C5: variants seen among roughly 807,000 people sequenced by gnomAD.
C5 encodes the protein complement C5.
C5 carries 140 observed loss-of-function variants against 218.8 expected under a neutral mutation model. That is an observed-to-expected ratio of 0.64 (90% CI 0.56 to 0.74). The LOEUF is 0.74. Ranked by LOEUF, C5 falls within the 30% of genes least tolerant of loss-of-function variation. The probability of loss-of-function intolerance (pLI) is 0.00; values close to 1 mark genes in which losing one functional copy is unlikely to be tolerated. For missense variants in C5, 1,700 were observed against 1,969.6 expected (o/e 0.86, Z 2.59); for synonymous variants, 614 against 682.3 (o/e 0.90, Z 1.56).
At position 120,962,929 on chromosome 9, in the gene C5, T is replaced by G. The variant is rs1337920021; in HGVS notation, c.4362A>C (p.Gln1454His). The change falls in exon 35 of 41, where the codon CAA (glutamine) becomes CAC (histidine). Residue 1454 changes from glutamine to histidine, a missense_variant. By Grantham distance (24) the Gln-to-His change is conservative. Transcript: ENST00000223642. ...EGVDQLFTDY[Q>H]IKDGHVILQL... ...GCAGAATAACATGTCCATCTTTGAT[T>G]TGGTAATCAGTGAATAGTTGATCCA... 6.2e-7 allele frequency: 1 copy of G among 1,613,996 alleles called. No homozygotes were observed. Among genetic ancestry groups the G allele is most frequent in the African/African-American group, 1.3e-5 (1 of 74,924 alleles).
intron 21 of C5, 63 bp downstream of exon 21, chr9:120,997,484 C>G (rs541435443): frequency 4.8e-5 from 57 of 1,177,124 alleles, no homozygotes; most frequent in Admixed American, 4.0e-4. Context: ...TCTCTCCCCC[C>G]CCTTTCTGTG....
Position 120,980,163 on chromosome 9 carries a change from T to C in C5, c.3578A>G (p.Tyr1193Cys), listed in dbSNP as rs540080588. The change falls in exon 28 of 41, where the codon TAT becomes TGT. Residue 1193 changes from tyrosine (Y) to cysteine (C), a missense_variant. Coordinates refer to ENST00000223642, the MANE Select transcript of C5 (RefSeq NM_001735.3). ...QSTFTLAISAYALSLGDKTHP... is the reference protein window; with the variant it reads ...QSTFTLAISACALSLGDKTHP... Reference sequence around the variant, plus strand: ...AGTTTTATCTCCCAGGGAAAGAGCATACGCAGAAATGGCCAATGTAAAGGT... The same window carrying C: ...AGTTTTATCTCCCAGGGAAAGAGCACACGCAGAAATGGCCAATGTAAAGGT... The C allele has an allele frequency of 3.1e-6, 5 of 1,614,122 alleles. No individual in the cohort carries two copies. The South Asian group carries it at 4.4e-5, about 14-fold the overall frequency.
At chr9:120,999,975 C>G in intron 20 of C5, 1 of 441,996 alleles carries the variant, frequency 2.3e-6, no homozygotes, top group Non-Finnish European at 4.5e-6. Flanking sequence ...AGGAGAATCG[C>G]TTGAACCTGG....
intron 38 of C5, 51 bp from the exon 39 acceptor site, chr9:120,957,419 G>A (rs765878050): frequency 1.1e-5 from 15 of 1,353,356 alleles, no homozygotes; most frequent in East Asian, 2.3e-5. Flanking sequence ...TACTATTAAT[G>A]CTATGTCCAG....
chr9:120,963,656 T>C lies in C5; in HGVS notation c.4303A>G (p.Asn1435Asp). 2 of 1,613,056 alleles carry C rather than the reference T, an allele frequency of 1.2e-6. No homozygotes were observed. Among genetic ancestry groups the C allele is most frequent in the East Asian group, 2.2e-5 (1 of 44,870 alleles). ...CATACGGCTTTTAAGTCTTCTTCAT[T>C]TGCACTGATTCCAGTAGGCAAGGAG... ...DISLPTGISA[N>D]EEDLKALVEG... The change falls in exon 34 of 41, where the codon AAT (asparagine) becomes GAT (aspartate). Residue 1435 changes from asparagine (N) to aspartate (D), a missense_variant. Transcript: ENST00000223642.
Position 120,983,647 on chromosome 9 carries a change from C to T in C5, c.3231-833G>A, listed in dbSNP as rs76391720. 9.7e-3 allele frequency among the ~76,000 whole-genome samples: 1,469 copies of T among 152,114 alleles called. 14 individuals are homozygous for T. Among genetic ancestry groups the T allele is most frequent in the Non-Finnish European group, 0.016 (1,106 of 67,996 alleles). ...GCGTCATAGTGAGACATTGTCTCTA[C>T]AAAAAATGCAAAACATTAGCCAGAT... On this transcript the variant is annotated intron_variant, in intron 25 of 40. Coordinates refer to ENST00000223642, the MANE Select transcript of C5 (RefSeq NM_001735.3).
the C5 span, among the ~76,000 whole-genome samples, chr9:121,059,213 T>C: frequency 1.3e-5 from 2 of 152,140 alleles, no homozygotes; most frequent in Admixed American, 6.5e-5. The surrounding 1 kb of genome is among the most constrained non-coding windows in gnomAD (Gnocchi z 4.1). Context: ...AATAATGGAA[T>C]AGGATAGGAT....
At chr9:120,965,112 G>C (rs112913510) in intron 33 of C5, among the ~76,000 whole-genome samples, 3 of 152,266 alleles carry the variant, frequency 2.0e-5, no homozygotes, top group African/African-American at 7.2e-5. Flanking sequence ...GCTTCATAAG[G>C]GGTAAAATGA....
intron 22 of C5, among the ~76,000 whole-genome samples, chr9:120,992,371 G>A (rs574077756): frequency 2.2e-4 from 33 of 152,310 alleles, no homozygotes; most frequent in Admixed American, 1.3e-3. Flanking sequence ...TATATGTGAC[G>A]CTGGGCAAGA....
chr9:121,017,511 C>T lies in C5; in HGVS notation c.1717G>A (p.Val573Ile), dbSNP rs757744082. The T allele has an allele frequency of 1.2e-6, 2 of 1,613,394 alleles. No homozygotes were observed. Among genetic ancestry groups the T allele is most frequent in the African/African-American group, 2.7e-5 (2 of 74,864 alleles). The change falls in exon 14 of 41, where the codon GTT becomes ATT. Residue 573 changes from valine to isoleucine, a missense_variant and splice_region_variant. Val to Ile is a conservative substitution (Grantham distance 29). Transcript: ENST00000223642. Reference sequence around the variant, plus strand: ...GCATCTGCATCAGGAGACAGATGAACCTAAAAGTTCATTTGAAAAAGAAAA... The same window carrying T: ...GCATCTGCATCAGGAGACAGATGAATCTAAAAGTTCATTTGAAAAAGAAAA... The part of the protein sequence containing the change: ...IEEKCGNQLQ[V>I]HLSPDADAYS...
chr9:121,023,406 T>G lies in C5; in HGVS notation c.1114A>C (p.Lys372Gln). ...FLKPGIPYPIKVQVKDSLDQL... is the reference protein window; with the variant it reads ...FLKPGIPYPIQVQVKDSLDQL... ...GTCTACCCCCTCACCCAATCTACCT[T>G]GATGGGATATGGAATCCCAGGCTTC... Residue 372 changes from lysine (K) to glutamine (Q), a missense_variant and splice_region_variant, in exon 10 of 41, where the codon AAG (lysine) becomes CAG (glutamine). Coordinates refer to ENST00000223642, the MANE Select transcript of C5 (RefSeq NM_001735.3). 6.3e-7 allele frequency: 1 copy of G among 1,578,252 alleles called. No individual in the cohort carries two copies. The highest frequency in any genetic ancestry group is 8.7e-7 in the Non-Finnish European group (1 of 1,147,404).
intron 2 of C5, among the ~76,000 whole-genome samples, chr9:121,044,498 A>AC (rs1270457650): frequency 1.3e-5 from 2 of 152,168 alleles, no homozygotes; most frequent in Non-Finnish European, 2.9e-5. Context: ...AACAACAACA[A>AC]AAAAGAAACT....
At chr9:121,014,182 A>G (rs928552332) in intron 16 of C5, 112 bp from the exon 17 acceptor site, 79 of 885,414 alleles carry the variant, frequency 8.9e-5, no homozygotes, top group Middle Eastern at 5.2e-4. Flanking sequence ...CCCCCTACCC[A>G]CAATAGTTAT....
intron 39 of C5, among the ~76,000 whole-genome samples, chr9:120,955,666 A>G (rs1290052208): frequency 6.6e-6 from 1 of 152,184 alleles, no homozygotes; most frequent in Non-Finnish European, 1.5e-5. Flanking sequence ...CTTCACAAAT[A>G]AGTTTCATAC....
intron 37 of C5, among the ~76,000 whole-genome samples, chr9:120,960,628 A>C (rs1416004611): frequency 6.6e-6 from 1 of 152,212 alleles, no homozygotes; most frequent in African/African-American, 2.4e-5. Context: ...CACAACACAA[A>C]TTCGTAAACT....
chr9:121,005,880 A>G, intron 20 of C5, 39 bp downstream of exon 20: 1 of 1,604,160 alleles, frequency 6.2e-7, no homozygotes, highest in South Asian at 1.1e-5. Context: ...AAAACCAGAG[A>G]ATGTTTCCTT....
chr9:120,963,063 A>T (rs575092054), intron 34 of C5, 96 bp from the exon 35 acceptor site: 102 of 950,624 alleles, frequency 1.1e-4, no homozygotes, highest in Non-Finnish European at 1.5e-4. Context: ...CAGGGATGTG[A>T]TCTGTAATTC....
chr9:121,027,250 A>G lies in C5; in HGVS notation c.783T>C (p.Thr261=). The change falls in exon 8 of 41, where the codon ACT becomes ACC. Residue 261 remains threonine (T), a synonymous_variant. Coordinates refer to ENST00000223642, the MANE Select transcript of C5 (RefSeq NM_001735.3). ...CAAATGTGATATAAACGTCAGCCTC[A>G]GTGACTACTTTATTATAAAAATATC... is the stretch of plus-strand genomic sequence containing the variant. ...KARYFYNKVV[T]EADVYITFGI... is the part of the protein sequence containing the mutation. 1 of 1,564,662 alleles carries G rather than the reference A, an allele frequency of 6.4e-7. No individual in the cohort carries two copies. The highest frequency in any genetic ancestry group is 2.2e-5 in the East Asian group (1 of 44,646).
intron 12 of C5, among the ~76,000 whole-genome samples, chr9:121,018,742 A>AAAGGAAGGAAGGAAGGAAGG (rs765624136): frequency 7.1e-5 from 7 of 99,172 alleles, no homozygotes; most frequent in Non-Finnish European, 1.4e-4. Context: ...GGAAGGAAGG[A>AAAGGAAGGAAGGAAGGAAGG]AAGGAAGGAA....
Sources: gnomAD v4.1 joint callset for allele counts (sites outside exome capture counted in the v4.1 genomes callset) on GRCh38, gnomAD v4.1.1 for gene constraint, Gnocchi (gnomAD v3.1) non-coding constraint, MANE v1.5 for transcripts, NCBI Gene and HGNC (gene_info 2026-07-23, HGNC 2026-07-21) for gene names.